The following SYCE1L variants were observed in gnomAD, a reference collection of about 807,000 sequenced individuals.
SYCE1L encodes synaptonemal complex central element protein 1 like, also known as synaptonemal complex central element protein 1-like.
SYCE1L carries 51 observed loss-of-function variants against 39.6 expected under a neutral mutation model. The ratio of observed to expected loss-of-function variants is 1.29; its 90% CI spans 1.03 to 1.63. SYCE1L has a LOEUF of 1.63. Ranked by LOEUF, SYCE1L falls within the 40% of genes most tolerant of loss-of-function variation. SYCE1L has a pLI of 0.00. For synonymous variants in SYCE1L, 147 were observed against 122.4 expected (o/e 1.20, Z -1.33); for missense variants, 426 against 304.9 (o/e 1.40, Z -2.96).
At chr16:77,207,215 C>A (rs74027180) in intron 2 of SYCE1L, among the ~76,000 whole-genome samples, 463 of 152,308 alleles carry the variant, frequency 3.0e-3, no homozygotes, top group African/African-American at 0.01. Flanking sequence ...AGAGCACCCA[C>A]TCTCCTGGAA....
Position 77,212,384 on chromosome 16 carries a change from G to C in SYCE1L, c.581+15G>C, listed in dbSNP as rs2054830650. 15 of 1,527,998 alleles carry C rather than the reference G, an allele frequency of 9.8e-6. No individual in the cohort carries two copies. Among genetic ancestry groups the C allele is most frequent in the Non-Finnish European group, 1.3e-5 (15 of 1,138,892 alleles). The allele number at this position is 1,527,998 out of a possible 1,614,324, so 94.7% of individuals were successfully genotyped here. On this transcript the variant is annotated intron_variant, in intron 9 of 10. Coordinates refer to ENST00000378644, the MANE Select transcript of SYCE1L (RefSeq NM_001129979.3). Reference sequence around the variant, plus strand: ...GTGAATGACGGGTGAGAGGGGAAGGGAGGAGTGGGCGAGGAGGGCAGGGGC... The same window carrying C: ...GTGAATGACGGGTGAGAGGGGAAGGCAGGAGTGGGCGAGGAGGGCAGGGGC...
intron 3 of SYCE1L, 34 bp from the exon 4 acceptor site, chr16:77,208,431 A>C (rs375064279): frequency 1.3e-6 from 2 of 1,551,282 alleles, no homozygotes. Context: ...TAGAGACTAC[A>C]CTCATACAGT....
At chr16:77,200,240 A>T (rs1426753049) in intron 1 of SYCE1L, 2 of 132,570 alleles carry the variant, frequency 1.5e-5, no homozygotes, top group South Asian at 4.8e-4. Context: ...GTGTATATAT[A>T]TATATATGTA....
chr16:77,206,443 C>T lies in SYCE1L; in HGVS notation c.64C>T (p.Gln22Ter). The T allele has an allele frequency of 6.4e-7, 1 of 1,551,504 alleles. No homozygotes were observed. ...AATTTTGATTTTCCTTTCTACAGGG[C>T]AAGCCAAGTCTTTGAAGACTGAAGA... ...APEATEEAEG[Q>*]AKSLKTEDLL... The change falls in exon 2 of 11, where the codon CAA (glutamine) becomes TAA (stop). Residue 22 changes from glutamine to a stop codon, truncating the protein, a stop_gained and splice_region_variant. Coordinates refer to ENST00000378644, the MANE Select transcript of SYCE1L (RefSeq NM_001129979.3). LOFTEE classifies it high-confidence loss of function.
At chr16:77,211,131 T>A in intron 6 of SYCE1L, 82 bp from the exon 7 acceptor site, 2 of 1,451,056 alleles carry the variant, frequency 1.4e-6, no homozygotes, top group Non-Finnish European at 1.9e-6. Flanking sequence ...ATGGGCAGGA[T>A]CTGAAGGCCT....
At position 77,207,453 on chromosome 16, in the gene SYCE1L, G is replaced by A. The variant is rs147872589; in HGVS notation, c.122-757G>A. On this transcript the variant is annotated intron_variant, in intron 2 of 10. Transcript: ENST00000378644. ...TTAGAGGTGATTCCCTAAAGGGATA[G>A]TGATCACCCTGTCACTGGGAAACTT... is the stretch of plus-strand genomic sequence containing the variant. Among the ~76,000 whole-genome samples the A allele has an allele frequency of 1.9e-3, 284 of 152,334 alleles. 1 individual carries two copies. The highest frequency in any genetic ancestry group is 6.5e-3 in the African/African-American group (272 of 41,578).
chr16:77,211,310 C>G (rs1332399554), intron 7 of SYCE1L, 34 bp downstream of exon 7: 6 of 1,550,580 alleles, frequency 3.9e-6, no homozygotes, highest in Non-Finnish European at 5.2e-6. Context: ...ACCAAAGCCA[C>G]TCCTCCCTGG....
rs552313156 is a variant in SYCE1L at position 77,199,511 on chromosome 16, A to C, written c.60A>C (p.Glu20Asp). The C allele has an allele frequency of 6.4e-7, 1 of 1,551,354 alleles. No homozygotes were observed. The highest frequency in any genetic ancestry group is 8.7e-7 in the Non-Finnish European group (1 of 1,146,798). ...VEAPEATEEA[E>D]GQAKSLKTED... The stretch of plus-strand genomic sequence containing the variant: ...CGCCAGAAGCTACTGAGGAGGCTGA[A>C]GGTAGTGAGGGCAAGTGGGCTGCAC... The change falls in exon 1 of 11, where the codon GAA (glutamate) becomes GAC (aspartate). Residue 20 changes from glutamate (E) to aspartate (D), a missense_variant and splice_region_variant. Glu to Asp is a conservative substitution (Grantham distance 45). Transcript: ENST00000378644.
At chr16:77,211,822 C>T (rs1275257961) in intron 7 of SYCE1L, among the ~76,000 whole-genome samples, 1 of 152,094 alleles carries the variant, frequency 6.6e-6, no homozygotes, top group East Asian at 1.9e-4. Flanking sequence ...GTGCAGGTAT[C>T]GGTGCAGAAG....
rs2054829024 is a variant in SYCE1L at position 77,212,285 on chromosome 16, G to A, written c.497G>A (p.Arg166Lys). 1.3e-6 allele frequency: 2 copies of A among 1,522,328 alleles called. No individual in the cohort carries two copies. Among genetic ancestry groups the A allele is most frequent in the South Asian group, 1.2e-5 (1 of 80,976 alleles). 94.3% of individuals were successfully genotyped at this position (1,522,328 alleles called of 1,614,324 possible). Residue 166 changes from arginine (R) to lysine (K), a missense_variant, in exon 9 of 11, where the codon AGG becomes AAG. Physicochemically the swap from Arg to Lys is conservative, Grantham distance 26. Coordinates refer to ENST00000378644, the MANE Select transcript of SYCE1L (RefSeq NM_001129979.3). ...RSKEQLLSER[R>K]LVRAKLREVE... ...CCTGACGCCCGCCCACCGACAGGGA[G>A]GCTGGTGCGCGCCAAGCTGCGGGAG...
At position 77,204,594 on chromosome 16, in the gene SYCE1L, TATC is replaced by T. The variant is rs200300886; in HGVS notation, c.62-1842_62-1840del. Among the ~76,000 whole-genome samples the T allele has an allele frequency of 6.0e-3, 921 of 152,282 alleles. 15 individuals are homozygous for T. Among genetic ancestry groups the T allele is most frequent in the African/African-American group, 0.021 (879 of 41,538 alleles). Reference sequence around the variant, plus strand: ...AGCAAAATAAGGTAAACAGCTTAAATATCATCAATAGGATATTGCTTTGAAATT... The same window carrying T: ...AGCAAAATAAGGTAAACAGCTTAAATATCAATAGGATATTGCTTTGAAATT... On this transcript the variant is annotated intron_variant, in intron 1 of 10. Coordinates refer to ENST00000378644, the MANE Select transcript of SYCE1L (RefSeq NM_001129979.3).
rs2054832928 is a variant in SYCE1L, at chr16:77,212,609, T to C, written c.617T>C (p.Val206Ala). 2.6e-6 allele frequency: 4 copies of C among 1,535,208 alleles called. No homozygotes were observed. Among genetic ancestry groups the C allele is most frequent in the African/African-American group, 1.4e-5 (1 of 72,666 alleles). The change falls in exon 10 of 11, where the codon GTC (valine) becomes GCC (alanine). Residue 206 changes from valine (V) to alanine (A), a missense_variant. By Grantham distance (64) the Val-to-Ala change is moderately conservative. Coordinates refer to ENST00000378644, the MANE Select transcript of SYCE1L (RefSeq NM_001129979.3). ...GAGCTGGAGATATTCGGGGAGCAGG[T>C]CCGGAGCGCCCCCGAGGTCGGGGCC... is the stretch of plus-strand genomic sequence containing the variant. ...KAELEIFGEQ[V>A]RSAPEVGAGE...
chr16:77,208,161 C>G (rs2054798374), intron 2 of SYCE1L, 49 bp from the exon 3 acceptor site: 2 of 1,525,314 alleles, frequency 1.3e-6, no homozygotes, highest in Admixed American at 2.0e-5. Flanking sequence ...CCTTGGACAG[C>G]CAGACACCAG....
At chr16:77,212,445 G>A in intron 9 of SYCE1L, 76 bp downstream of exon 9, 1 of 1,534,932 alleles carries the variant, frequency 6.5e-7, no homozygotes, top group East Asian at 2.5e-5. Context: ...CCCCCGCTCC[G>A]CCCCCGACTG....
intron 6 of SYCE1L, among the ~76,000 whole-genome samples, chr16:77,210,259 G>A (rs893135984): frequency 2.6e-5 from 4 of 152,090 alleles, no homozygotes; most frequent in Non-Finnish European, 4.4e-5. Context: ...GGCTGGTCTC[G>A]AACTCTCGAC....
At chr16:77,211,868 G>C (rs1023398628) in intron 7 of SYCE1L, among the ~76,000 whole-genome samples, 1 of 152,166 alleles carries the variant, frequency 6.6e-6, no homozygotes, top group African/African-American at 2.4e-5. Context: ...TGAAACCGTT[G>C]AGGAGCCGCA....
rs1567425843 is a variant in SYCE1L, at chr16:77,206,512, C to T, written c.121+12C>T. On this transcript the variant is annotated intron_variant, in intron 2 of 10. Coordinates refer to ENST00000378644, the MANE Select transcript of SYCE1L (RefSeq NM_001129979.3). ...AAAGCTGCAGAAAGGTCATGTGTCTCTTTGTTTCTGAGCCTCAGCCTGGGG... is the reference window on the plus strand; with the variant it reads ...AAAGCTGCAGAAAGGTCATGTGTCTTTTTGTTTCTGAGCCTCAGCCTGGGG... 6.4e-7 allele frequency: 1 copy of T among 1,551,568 alleles called. No individual in the cohort carries two copies. The highest frequency in any genetic ancestry group is 8.7e-7 in the Non-Finnish European group (1 of 1,146,956).
intron 4 of SYCE1L, among the ~76,000 whole-genome samples, 171 bp downstream of exon 4, chr16:77,208,710 T>C (rs1400027921): frequency 6.6e-6 from 1 of 152,228 alleles, no homozygotes; most frequent in Non-Finnish European, 1.5e-5. Flanking sequence ...TTCACCCTGA[T>C]AGGCCTATCT....
At chr16:77,200,733 A>G (rs1039589710) in intron 1 of SYCE1L, 1 of 138,100 alleles carries the variant, frequency 7.2e-6, no homozygotes, top group African/African-American at 2.8e-5. Context: ...TCCAGCGCGG[A>G]AGACAGAGTG....
Sources: gnomAD v4.1 joint callset for allele counts (sites outside exome capture counted in the v4.1 genomes callset) on GRCh38, gnomAD v4.1.1 for gene constraint, MANE v1.5 for transcripts, NCBI Gene and HGNC (gene_info 2026-07-23, HGNC 2026-07-21) for gene names.